The following TENM3 variants were observed in gnomAD, a reference collection of about 807,000 sequenced individuals.
The protein encoded by TENM3 is teneurin transmembrane protein 3, also known as teneurin-3.
In TENM3, 63 loss-of-function variants were observed where a neutral mutation model predicts 255.1. The ratio of observed to expected loss-of-function variants is 0.25; its 90% CI spans 0.20 to 0.30. The LOEUF (loss-of-function observed/expected upper bound fraction) is 0.30, where lower values mean the gene tolerates loss of function less well. TENM3 is among the 10% of genes least tolerant of loss of function. The probability of loss-of-function intolerance (pLI) is 1.00; values close to 1 mark genes in which losing one functional copy is unlikely to be tolerated. For synonymous variants in TENM3, 1,306 were observed against 1,322.3 expected (o/e 0.99, Z 0.27); for missense variants, 2,929 against 3,461.1 (o/e 0.85, Z 3.86).
the TENM3 span, among the ~76,000 whole-genome samples, chr4:181,806,948 G>A: frequency 3.9e-5 from 6 of 152,076 alleles, no homozygotes; most frequent in East Asian, 1.9e-4. Flanking sequence ...TATCTGTCTC[G>A]CCCATCACTG....
the TENM3 span, among the ~76,000 whole-genome samples, chr4:182,115,521 T>C: frequency 6.6e-6 from 1 of 152,162 alleles, no homozygotes; most frequent in Non-Finnish European, 1.5e-5. Flanking sequence ...TTGTACTCAA[T>C]GAGAAGTAGG....
intron 3 of TENM3, among the ~76,000 whole-genome samples, chr4:182,432,627 G>T (rs528132893): frequency 1.3e-5 from 2 of 152,186 alleles, no homozygotes; most frequent in African/African-American, 4.8e-5. Flanking sequence ...CTAAGTTAAG[G>T]CATGAAGGAC....
At chr4:182,018,571 A>G in the TENM3 span, among the ~76,000 whole-genome samples, 98 of 152,276 alleles carry the variant, frequency 6.4e-4, no homozygotes, top group Admixed American at 5.1e-3. Context: ...CCTTTGTATA[A>G]TGAGAATAAT....
the TENM3 span, among the ~76,000 whole-genome samples, chr4:181,494,261 T>C: frequency 6.6e-6 from 1 of 152,192 alleles, no homozygotes; most frequent in African/African-American, 2.4e-5. Flanking sequence ...TGTCAACAGC[T>C]GAAAACTCAA....
At chr4:182,465,785 G>A (rs887657461) in intron 3 of TENM3, among the ~76,000 whole-genome samples, 1 of 152,056 alleles carries the variant, frequency 6.6e-6, no homozygotes, top group Non-Finnish European at 1.5e-5. Context: ...TTGTAAGAAA[G>A]TAAAAGCAAC....
intron 4 of TENM3, among the ~76,000 whole-genome samples, chr4:182,615,892 T>C (rs1749467527): frequency 6.6e-6 from 1 of 152,196 alleles, no homozygotes; most frequent in South Asian, 2.1e-4. Flanking sequence ...TTGAATTGAT[T>C]TTCTGATTTG....
intron 3 of TENM3, among the ~76,000 whole-genome samples, chr4:182,492,795 ATTG>A (rs1376912644): frequency 6.6e-6 from 1 of 152,084 alleles, no homozygotes; most frequent in Non-Finnish European, 1.5e-5. Flanking sequence ...TCAAGATATC[ATTG>A]TTATTTCTGT....
chr4:182,596,552 T>A (rs1445047507), intron 3 of TENM3, among the ~76,000 whole-genome samples: 1 of 152,062 alleles, frequency 6.6e-6, no homozygotes, highest in Non-Finnish European at 1.5e-5. Context: ...TAATTTGGAT[T>A]TGGAGATAGA....
the TENM3 span, among the ~76,000 whole-genome samples, chr4:181,598,879 T>A: frequency 2.0e-5 from 3 of 152,096 alleles, no homozygotes; most frequent in Non-Finnish European, 4.4e-5. Flanking sequence ...AACACGCAGG[T>A]TTTTCAAATG....
At chr4:182,113,043 A>G in the TENM3 span, among the ~76,000 whole-genome samples, 1 of 152,170 alleles carries the variant, frequency 6.6e-6, no homozygotes, top group Non-Finnish European at 1.5e-5. Context: ...AGACATTCAC[A>G]CTGAAAATCT....
the TENM3 span, among the ~76,000 whole-genome samples, chr4:181,652,273 C>T: frequency 6.6e-6 from 1 of 151,906 alleles, no homozygotes; most frequent in South Asian, 2.1e-4. Flanking sequence ...ATTATTGGAC[C>T]AATCGCAATG....
rs754513483 is a variant in TENM3 at position 182,729,188 on chromosome 4, GC to G, written c.2585+8del. On this transcript the variant is annotated splice_region_variant and intron_variant, in intron 14 of 27. Coordinates refer to ENST00000511685, the MANE Select transcript of TENM3 (RefSeq NM_001080477.4). ...AAAGTCCTTTCAATAAGAGGTTAAT[GC>G]TTCTTTTCCATATGTAGATTTGTAA... 4 of 1,602,146 alleles carry G rather than the reference GC, an allele frequency of 2.5e-6. No homozygotes were observed. Among genetic ancestry groups the G allele is most frequent in the Non-Finnish European group, 3.4e-6 (4 of 1,169,368 alleles).
the TENM3 span, among the ~76,000 whole-genome samples, chr4:181,835,637 T>TGA: frequency 6.6e-6 from 1 of 152,202 alleles, no homozygotes; most frequent in Admixed American, 6.5e-5. Flanking sequence ...TATTGCATAT[T>TGA]CAGCTAAAAT....
chr4:181,804,786 C>A, the TENM3 span, among the ~76,000 whole-genome samples: 2 of 151,872 alleles, frequency 1.3e-5, no homozygotes, highest in Non-Finnish European at 2.9e-5. Context: ...GAGGCAGGAG[C>A]ATCTCTTGAG....
chr4:181,570,035 C>CTTTTTTT, the TENM3 span, among the ~76,000 whole-genome samples: 3 of 113,872 alleles, frequency 2.6e-5, no homozygotes, highest in Non-Finnish European at 3.5e-5. Context: ...ACAAATGTTT[C>CTTTTTTT]TTTTTTTTTT....
the TENM3 span, among the ~76,000 whole-genome samples, chr4:182,027,183 T>C: frequency 6.6e-6 from 1 of 152,138 alleles, no homozygotes; most frequent in African/African-American, 2.4e-5. Flanking sequence ...ATTTTATTGA[T>C]GGCTATTGTA....
chr4:181,654,423 T>C, the TENM3 span, among the ~76,000 whole-genome samples: 6 of 152,080 alleles, frequency 3.9e-5, no homozygotes, highest in African/African-American at 1.4e-4. Flanking sequence ...AATGGCATGA[T>C]GTATTTATTT....
the TENM3 span, among the ~76,000 whole-genome samples, chr4:181,663,294 G>T: frequency 6.6e-6 from 1 of 152,068 alleles, no homozygotes. Context: ...CCTTCAGTTG[G>T]TGGAAATGGA....
intron 1 of TENM3, among the ~76,000 whole-genome samples, chr4:182,232,617 A>C (rs1483358794): frequency 6.6e-6 from 1 of 152,092 alleles, no homozygotes; most frequent in African/African-American, 2.4e-5. Context: ...GAATCACTTG[A>C]ACTCGGAGAC....
Sources: allele counts gnomAD v4.1 joint callset (sites outside exome capture counted in the v4.1 genomes callset), GRCh38; gene constraint gnomAD v4.1.1; transcripts MANE v1.5; gene names NCBI Gene and HGNC (gene_info 2026-07-23, HGNC 2026-07-21).